RGPD1: variants seen among roughly 807,000 people sequenced by gnomAD.
RGPD1 encodes the protein RANBP2 like and GRIP domain containing 1.
A neutral mutation model predicts 40.6 loss-of-function variants in RGPD1; 7 were observed. That is an observed-to-expected ratio of 0.17 (90% confidence interval 0.10 to 0.32). RGPD1 has a LOEUF of 0.32. RGPD1 is among the 10% of genes least tolerant of loss of function. The probability of loss-of-function intolerance (pLI) is 1.00; values close to 1 mark genes in which losing one functional copy is unlikely to be tolerated. For missense variants in RGPD1, 50 were observed against 472.5 expected, an observed-to-expected ratio of 0.11 and a Z score of 8.29; for synonymous variants, 24 against 167.0, an observed-to-expected ratio of 0.14 and a Z score of 6.60.
chr2:86,915,341 T>C, intron 1 of RGPD1, among the ~76,000 whole-genome samples: 1 of 150,210 alleles, frequency 6.7e-6, no homozygotes, highest in Non-Finnish European at 1.5e-5. Flanking sequence ...AATAACTTTT[T>C]CATTTTAGGA....
intron 7 of RGPD1, among the ~76,000 whole-genome samples, chr2:86,964,229 G>A (rs1236079028): frequency 9.4e-6 from 1 of 106,244 alleles, no homozygotes; most frequent in Non-Finnish European, 1.9e-5. Flanking sequence ...ATTTTTAGTA[G>A]AGACGGGGTT....
At position 86,929,866 on chromosome 2, in the gene RGPD1, C is replaced by T. The variant is rs575041138; in HGVS notation, c.72+15945C>T. ...GTAGGCAGGGAGGGGCCAAAAGGAA[C>T]GCAAGGAGTTGGGACTAGGGCTGTT... On this transcript the variant is annotated intron_variant, in intron 1 of 22. Transcript: ENST00000398193. 8.9e-3 allele frequency among the ~76,000 whole-genome samples: 1,280 copies of T among 143,222 alleles called. 12 individuals are homozygous for T. The highest frequency in any genetic ancestry group is 0.031 in the African/African-American group (1,230 of 40,214). The allele number at this position is 143,222 out of a possible 152,430, so 94.0% of individuals were successfully genotyped here.
At position 86,935,956 on chromosome 2, in the gene RGPD1, T is replaced by C. The variant is rs563257789; in HGVS notation, c.73-15340T>C. Reference sequence around the variant, plus strand: ...CCATCTTGCATTGGATGGGGGCAGATAATTAATAATTATCAGATATTTTCT... The same window carrying C: ...CCATCTTGCATTGGATGGGGGCAGACAATTAATAATTATCAGATATTTTCT... On this transcript the variant is annotated intron_variant, in intron 1 of 22. Coordinates refer to the RGPD1 transcript ENST00000398193. Among the ~76,000 whole-genome samples the C allele has an allele frequency of 1.5e-4, 22 of 144,776 alleles. No homozygotes were observed. In the South Asian group the frequency reaches 4.9e-3, roughly 32 times the overall value. 95.0% of individuals were successfully genotyped at this position (144,776 alleles called of 152,430 possible).
At chr2:86,942,356 G>A (rs1370478246) in intron 1 of RGPD1, 48 bp downstream of exon 1, 3 of 1,377,476 alleles carry the variant, frequency 2.2e-6, no homozygotes, top group Non-Finnish European at 2.8e-6. Flanking sequence ...GCCGGGCGGC[G>A]GCCTCGACCT....
At chr2:86,936,808 T>C (rs1351722067) in intron 1 of RGPD1, among the ~76,000 whole-genome samples, 1 of 141,760 alleles carries the variant, frequency 7.1e-6, no homozygotes. Context: ...TAAGTTATAA[T>C]TGGTTCATTT....
Position 86,945,614 on chromosome 2 carries a change from A to G in RGPD1, c.72+3306A>G, listed in dbSNP as rs374380462. Among the ~76,000 whole-genome samples, 6 of 152,268 alleles carry G rather than the reference A, an allele frequency of 3.9e-5. No individual in the cohort carries two copies. The South Asian group carries it at 1.2e-3, about 32-fold the overall frequency. On this transcript the variant is annotated intron_variant, in intron 1 of 22. Transcript: ENST00000641458. ...TTTTGCCATTTTTGTACTCCCTCAC[A>G]TGTGCTTTTGCCCTTCTTAAAAATA...
chr2:86,918,556 T>G (rs1182039290), intron 1 of RGPD1, among the ~76,000 whole-genome samples: 7 of 142,606 alleles, frequency 4.9e-5, no homozygotes, highest in Non-Finnish European at 9.0e-5. Flanking sequence ...GCCTCCTGGG[T>G]TCATGCCATT....
intron 4 of RGPD1, among the ~76,000 whole-genome samples, chr2:86,954,722 C>T (rs1680631779): frequency 6.7e-6 from 1 of 148,550 alleles, no homozygotes; most frequent in South Asian, 2.2e-4. Flanking sequence ...CCGACCAAAG[C>T]ACAATATCAA....
chr2:86,918,134 A>G (rs1342562685), intron 1 of RGPD1, among the ~76,000 whole-genome samples: 6 of 150,726 alleles, frequency 4.0e-5, no homozygotes, highest in Non-Finnish European at 7.4e-5. Flanking sequence ...GGAAGGTTTG[A>G]TTTGAGGGAG....
chr2:86,924,240 C>CT (rs1482364238), intron 1 of RGPD1, among the ~76,000 whole-genome samples: 3 of 152,160 alleles, frequency 2.0e-5, no homozygotes, highest in Admixed American at 6.5e-5. Flanking sequence ...ACTGCAACCT[C>CT]TGACTCCCAA....
chr2:86,931,436 A>G (rs2104712955), intron 1 of RGPD1, among the ~76,000 whole-genome samples: 1 of 150,254 alleles, frequency 6.7e-6, no homozygotes, highest in African/African-American at 2.5e-5. Context: ...TCTTATTCCC[A>G]GTATCTTTTT....
In RGPD1 at chr2:86,960,132, CAG is replaced by C. The variant is rs1327437990; in HGVS notation, c.779+1706_779+1707del. Among the ~76,000 whole-genome samples the C allele has an allele frequency of 1.8e-4, 18 of 99,740 alleles. 5 individuals carry two copies. Among genetic ancestry groups the C allele is most frequent in the Admixed American group, 2.8e-4 (3 of 10,894 alleles). 65.4% of individuals were successfully genotyped at this position (99,740 alleles called of 152,430 possible). A position where few individuals can be genotyped will look rare whatever the true frequency, so the allele number is the denominator to read the frequency against. ...AGATGACCATGGGGATGGAGTCACTCAGGGGAGAATCCGGACCATGAGGGGGT... is the reference window on the plus strand; with the variant it reads ...AGATGACCATGGGGATGGAGTCACTCGGGAGAATCCGGACCATGAGGGGGT... On this transcript the variant is annotated intron_variant, in intron 6 of 22. Coordinates refer to ENST00000641458, the MANE Select transcript of RGPD1 (RefSeq NM_001382344.1).
chr2:86,923,279 C>G (rs182174129), intron 1 of RGPD1, among the ~76,000 whole-genome samples: 1 of 151,610 alleles, frequency 6.6e-6, no homozygotes, highest in Non-Finnish European at 1.5e-5. Flanking sequence ...CCTCAAGTGA[C>G]CTTCCTGACC....
chr2:87,003,458 GAAAACCAGTATTCACACA>G (rs1398841984), intron 22 of RGPD1, among the ~76,000 whole-genome samples: 4 of 82,258 alleles, frequency 4.9e-5, no homozygotes, highest in Non-Finnish European at 6.9e-5. Flanking sequence ...CAAGAGGAAT[GAAAACCAGTATTCACACA>G]AAAACCTATG....
In RGPD1 at chr2:86,942,197, C is replaced by T. The variant is rs1269444382; in HGVS notation, c.-40C>T. 8.9e-6 allele frequency: 14 copies of T among 1,573,080 alleles called. No individual in the cohort carries two copies. The highest frequency in any genetic ancestry group is 1.1e-5 in the Non-Finnish European group (13 of 1,160,832). On this transcript the variant is annotated 5_prime_UTR_variant, in exon 1 of 23. Coordinates refer to ENST00000641458, the MANE Select transcript of RGPD1 (RefSeq NM_001382344.1). The stretch of plus-strand genomic sequence containing the variant: ...AATTGGCGACTGCTGCGGGGCTGAG[C>T]GCTGGTTTCACGCGTCTCGGGAGCC...
At chr2:86,941,734 A>G (rs1045960900), upstream of RGPD1, among the ~76,000 whole-genome samples, 5 of 147,166 alleles carry the variant, frequency 3.4e-5, no homozygotes, top group Non-Finnish European at 6.0e-5. Context: ...TTTTTTTTTT[A>G]GGAAGTCTTA....
At chr2:86,935,967 T>A (rs1368866923) in intron 1 of RGPD1, among the ~76,000 whole-genome samples, 1 of 142,310 alleles carries the variant, frequency 7.0e-6, no homozygotes, top group African/African-American at 2.6e-5. Flanking sequence ...AATTAATAAT[T>A]ATCAGATATT....
upstream of RGPD1, among the ~76,000 whole-genome samples, chr2:86,940,802 C>A (rs1352000756): frequency 1.3e-5 from 2 of 150,444 alleles, no homozygotes; most frequent in African/African-American, 4.9e-5. Context: ...TCCTACTAGG[C>A]TATCCCCACA....
At chr2:86,960,567 C>T (rs1258279972) in intron 6 of RGPD1, among the ~76,000 whole-genome samples, 1 of 126,146 alleles carries the variant, frequency 7.9e-6, no homozygotes, top group Non-Finnish European at 1.6e-5. Context: ...AACAGGGTTT[C>T]ATCATGTTGG....
Sources: gnomAD v4.1 joint callset for allele counts (sites outside exome capture counted in the v4.1 genomes callset) on GRCh38, gnomAD v4.1.1 for gene constraint, MANE v1.5 for transcripts, NCBI Gene and HGNC (gene_info 2026-07-23, HGNC 2026-07-21) for gene names.